The following GRXCR1 variants were observed in gnomAD, a reference collection of about 807,000 sequenced individuals.
The protein encoded by GRXCR1 is glutaredoxin domain-containing cysteine-rich protein 1.
GRXCR1 carries 27 observed loss-of-function variants against 27.3 expected under a neutral mutation model. The ratio of observed to expected loss-of-function variants is 0.99; its 90% confidence interval spans 0.73 to 1.37. The LOEUF is 1.37. GRXCR1 is among the 40% of genes most tolerant of loss of function. GRXCR1 has a pLI of 0.00. For missense variants in GRXCR1, 379 were observed against 354.4 expected (o/e 1.07, Z -0.56); for synonymous variants, 122 against 131.1 (o/e 0.93, Z 0.47).
In GRXCR1 at chr4:42,903,529, G is replaced by T. The variant is rs181150484; in HGVS notation, c.384+9879G>T. 4.8e-4 allele frequency among the ~76,000 whole-genome samples: 70 copies of T among 147,048 alleles called. 6 individuals carry two copies. In the Admixed American group the frequency reaches 5.0e-3, roughly 10 times the overall value. On this transcript the variant is annotated intron_variant, in intron 1 of 3. Coordinates refer to ENST00000399770, the MANE Select transcript of GRXCR1 (RefSeq NM_001080476.3). ...GGGTTTAACCATGTTAGCCAGGATG[G>T]TCTCTATCTCCAGACCTTGTGATCC...
chr4:42,910,185 TG>T (rs993372344), intron 1 of GRXCR1, among the ~76,000 whole-genome samples: 10 of 152,186 alleles, frequency 6.6e-5, no homozygotes, highest in African/African-American at 2.2e-4. Flanking sequence ...CAGAACGGCA[TG>T]GGGGAAACCA....
intron 2 of GRXCR1, among the ~76,000 whole-genome samples, chr4:42,973,879 T>C (rs1456754707): frequency 2.0e-5 from 3 of 152,130 alleles, no homozygotes; most frequent in Admixed American, 6.6e-5. Flanking sequence ...GGCTAGAACA[T>C]GATGCACACT....
chr4:42,893,340 G>A lies in GRXCR1; in HGVS notation c.74G>A (p.Ser25Asn), dbSNP rs147175069. Reference sequence around the variant, plus strand: ...CGGTTTCGGATCGCGTCCTCTCACAGTGGGCGAGTTCTGAAGGAAGTGTAT... The same window carrying A: ...CGGTTTCGGATCGCGTCCTCTCACAATGGGCGAGTTCTGAAGGAAGTGTAT... ...KVRFRIASSH[S>N]GRVLKEVYED... Residue 25 changes from serine (S) to asparagine (N), a missense_variant, in exon 1 of 4, where the codon AGT becomes AAT. By Grantham distance (46) the Ser-to-Asn change is conservative. Transcript: ENST00000399770. 1.5e-4 allele frequency: 235 copies of A among 1,613,826 alleles called. No homozygotes were observed. The African/African-American group carries it at 3.0e-3, about 21-fold the overall frequency.
rs192305932 is a variant in GRXCR1 at position 42,950,029 on chromosome 4, T to A, written c.385-12863T>A. On this transcript the variant is annotated intron_variant, in intron 1 of 3. Transcript: ENST00000399770. ...AGCATCCAAATGCACAGAAAGGGATTGGCTGCATTTAGGTGATTATTCAGG... is the reference window on the plus strand; with the variant it reads ...AGCATCCAAATGCACAGAAAGGGATAGGCTGCATTTAGGTGATTATTCAGG... 4.6e-4 allele frequency among the ~76,000 whole-genome samples: 70 copies of A among 152,330 alleles called. 1 individual carries two copies. The highest frequency in any genetic ancestry group is 2.9e-3 in the Admixed American group (45 of 15,298).
intron 2 of GRXCR1, among the ~76,000 whole-genome samples, chr4:43,012,138 G>T (rs985005382): frequency 6.6e-6 from 1 of 151,958 alleles, no homozygotes; most frequent in Admixed American, 6.6e-5. Context: ...ATTTTCCTTA[G>T]CAGTTTGTTC....
chr4:42,934,918 A>G (rs961692329), intron 1 of GRXCR1, among the ~76,000 whole-genome samples: 1 of 151,966 alleles, frequency 6.6e-6, no homozygotes. Context: ...AAACTATGCA[A>G]TGAACATTTC....
At chr4:42,975,067 G>A (rs548444616) in intron 2 of GRXCR1, among the ~76,000 whole-genome samples, 7 of 152,164 alleles carry the variant, frequency 4.6e-5, no homozygotes, top group African/African-American at 1.4e-4. Context: ...GACTCCTATG[G>A]CCAAGGGACT....
At chr4:42,989,522 C>T (rs1711894799) in intron 2 of GRXCR1, among the ~76,000 whole-genome samples, 2 of 152,084 alleles carry the variant, frequency 1.3e-5, no homozygotes, top group South Asian at 4.2e-4. Flanking sequence ...GCAAAATCTT[C>T]CATATAATTT....
chr4:42,978,403 G>C (rs951652238), intron 2 of GRXCR1, among the ~76,000 whole-genome samples: 1 of 151,808 alleles, frequency 6.6e-6, no homozygotes, highest in Non-Finnish European at 1.5e-5. Flanking sequence ...TGACTAGTAG[G>C]GACATTTTAT....
At chr4:42,944,359 A>G (rs1747694897) in intron 1 of GRXCR1, among the ~76,000 whole-genome samples, 3 of 152,102 alleles carry the variant, frequency 2.0e-5, no homozygotes, top group African/African-American at 4.8e-5. Context: ...TTAATCTTGG[A>G]TCCAGGAACA....
chr4:42,972,693 C>T (rs1748417616), intron 2 of GRXCR1, among the ~76,000 whole-genome samples: 1 of 152,138 alleles, frequency 6.6e-6, no homozygotes, highest in Admixed American at 6.5e-5. Context: ...AAATTTTATA[C>T]TTGAAGTAAC....
At chr4:43,002,941 T>A (rs1188064585) in intron 2 of GRXCR1, among the ~76,000 whole-genome samples, 1 of 152,182 alleles carries the variant, frequency 6.6e-6, no homozygotes, top group East Asian at 1.9e-4. Context: ...GCTGATTGGA[T>A]CATGAGGAGA....
At chr4:42,927,911 G>C (rs184005387) in intron 1 of GRXCR1, among the ~76,000 whole-genome samples, 1 of 152,096 alleles carries the variant, frequency 6.6e-6, no homozygotes. Flanking sequence ...AGTGGGGATT[G>C]AGCAGAGAAG....
chr4:42,999,107 T>C (rs556653943), intron 2 of GRXCR1, among the ~76,000 whole-genome samples: 3 of 152,350 alleles, frequency 2.0e-5, no homozygotes, highest in Non-Finnish European at 2.9e-5. Flanking sequence ...TTGGTGCATG[T>C]CCACTATTGA....
intron 1 of GRXCR1, among the ~76,000 whole-genome samples, chr4:42,923,052 T>G (rs1369230622): frequency 6.6e-6 from 1 of 152,086 alleles, no homozygotes; most frequent in Non-Finnish European, 1.5e-5. Flanking sequence ...CAACCTGACA[T>G]TAGTCTGCTT....
chr4:42,973,342 G>A (rs1748431759), intron 2 of GRXCR1, among the ~76,000 whole-genome samples: 1 of 151,998 alleles, frequency 6.6e-6, no homozygotes, highest in Non-Finnish European at 1.5e-5. Flanking sequence ...TTTCTATTGT[G>A]ATCCACATAA....
intron 1 of GRXCR1, among the ~76,000 whole-genome samples, chr4:42,906,633 T>C (rs1746598627): frequency 6.6e-6 from 1 of 152,174 alleles, no homozygotes; most frequent in African/African-American, 2.4e-5. Flanking sequence ...CCAGCTTTCC[T>C]GATTTTATTG....
chr4:42,953,666 G>T lies in GRXCR1; in HGVS notation c.385-9226G>T, dbSNP rs534588032. Among the ~76,000 whole-genome samples, 45 of 152,190 alleles carry T rather than the reference G, an allele frequency of 3.0e-4. 1 individual carries two copies. Among genetic ancestry groups the T allele is most frequent in the African/African-American group, 1.1e-3 (44 of 41,522 alleles). ...AAAAGAGCAATTTACCTCAATAAGA[G>T]ATTGTTTTTTTGATCATTGTGTAAT... On this transcript the variant is annotated intron_variant, in intron 1 of 3. Coordinates refer to ENST00000399770, the MANE Select transcript of GRXCR1 (RefSeq NM_001080476.3).
intron 1 of GRXCR1, among the ~76,000 whole-genome samples, chr4:42,938,642 T>G (rs948196254): frequency 2.6e-5 from 4 of 152,036 alleles, no homozygotes; most frequent in African/African-American, 9.7e-5. Context: ...TTTGAGGTCT[T>G]ATATTTGTCT....
Sources: allele counts gnomAD v4.1 joint callset (sites outside exome capture counted in the v4.1 genomes callset), GRCh38; gene constraint gnomAD v4.1.1; transcripts MANE v1.5; gene names NCBI Gene and HGNC (gene_info 2026-07-23, HGNC 2026-07-21).